The following PCDHA6 variants were observed in gnomAD, a reference collection of about 807,000 sequenced individuals.
PCDHA6 encodes protocadherin alpha 6.
In PCDHA6, 55 loss-of-function variants were observed where a neutral mutation model predicts 60.3. The ratio of observed to expected loss-of-function variants is 0.91; its 90% CI spans 0.73 to 1.14. PCDHA6 has a LOEUF of 1.14. PCDHA6 is among the 50% of genes most tolerant of loss of function. PCDHA6 has a pLI of 0.00. For missense variants in PCDHA6, 1,327 were observed against 1,256.5 expected, an observed-to-expected ratio of 1.06 and a Z score of -0.85; for synonymous variants, 652 against 557.9, an observed-to-expected ratio of 1.17 and a Z score of -2.38.
chr5:140,897,720 G>A (rs1457512042), intron 1 of PCDHA6, among the ~76,000 whole-genome samples: 1 of 152,086 alleles, frequency 6.6e-6, no homozygotes, highest in Non-Finnish European at 1.5e-5. Context: ...GGGATGGCTG[G>A]GTCAAATAGT....
intron 1 of PCDHA6, chr5:140,881,433 T>A (rs1554172102): frequency 1.1e-6 from 1 of 872,990 alleles, no homozygotes; most frequent in African/African-American, 1.8e-5. Context: ...AGGCATATTT[T>A]ATAAAAACAG....
At chr5:140,937,238 C>T (rs1339814732) in intron 1 of PCDHA6, among the ~76,000 whole-genome samples, 1 of 151,920 alleles carries the variant, frequency 6.6e-6, no homozygotes, top group Admixed American at 6.6e-5. Flanking sequence ...GGGGTTTCAC[C>T]GTGTTAGCCA....
intron 1 of PCDHA6, chr5:140,884,363 T>A (rs1444938392): frequency 6.2e-7 from 1 of 1,613,818 alleles, no homozygotes; most frequent in African/African-American, 1.3e-5. Context: ...TGTCAATGTT[T>A]ACTTGATCAT....
At chr5:140,835,557 C>G (rs2150238146) in intron 1 of PCDHA6, 4 of 1,613,818 alleles carry the variant, frequency 2.5e-6, no homozygotes, top group Non-Finnish European at 3.4e-6. Context: ...CCTGACGCCC[C>G]GCGTTCCCTT....
At chr5:140,855,766 C>T in intron 1 of PCDHA6, 2 of 379,872 alleles carry the variant, frequency 5.3e-6, no homozygotes, top group South Asian at 9.3e-5. Flanking sequence ...AGTCCATAGA[C>T]ATAAAAATAC....
rs1271034090 is a variant in PCDHA6 at position 140,842,237 on chromosome 5, G to T, written c.2394+11752G>T. ...AAATACGGGAGAAATAGTGATTCGG[G>T]GTAATTTGGATTTTGAACAAGAAAA... On this transcript the variant is annotated intron_variant, in intron 1 of 3. Transcript: ENST00000529310. 1.9e-6 allele frequency: 3 copies of T among 1,612,294 alleles called. No individual in the cohort carries two copies. The highest frequency in any genetic ancestry group is 3.3e-5 in the Admixed American group (2 of 59,972).
intron 3 of PCDHA6, among the ~76,000 whole-genome samples, chr5:140,985,103 A>G (rs1342526252): frequency 6.6e-6 from 1 of 151,694 alleles, no homozygotes; most frequent in African/African-American, 2.4e-5. Context: ...AAGCCTGGCT[A>G]ATTTTTTGTG....
chr5:140,992,676 G>A (rs2097524186), intron 3 of PCDHA6, among the ~76,000 whole-genome samples: 1 of 152,146 alleles, frequency 6.6e-6, no homozygotes, highest in African/African-American at 2.4e-5. Flanking sequence ...GTATGTGTGT[G>A]TTAGGGGTTG....
chr5:140,843,091 G>A (rs1554139733), intron 1 of PCDHA6: 3 of 1,595,616 alleles, frequency 1.9e-6, no homozygotes, highest in Non-Finnish European at 2.6e-6. Flanking sequence ...CGGGCCACGT[G>A]GTAGCGAAGG....
chr5:140,875,485 G>A (rs367652529), intron 1 of PCDHA6: 13 of 1,611,424 alleles, frequency 8.1e-6, no homozygotes, highest in African/African-American at 1.3e-5. Context: ...GGTGATTATC[G>A]GACCAAGAGG....
chr5:140,836,323 T>C (rs2150257810), intron 1 of PCDHA6: 1 of 1,613,710 alleles, frequency 6.2e-7, no homozygotes, highest in South Asian at 1.1e-5. Context: ...CGCCACCGCC[T>C]TCTGGTGCTT....
intron 1 of PCDHA6, chr5:140,857,466 T>C: frequency 1.9e-6 from 3 of 1,598,502 alleles, no homozygotes; most frequent in Non-Finnish European, 2.6e-6. Context: ...GGCTGCCACA[T>C]CTTCACGGTG....
At chr5:140,897,863 T>C (rs1432232591) in intron 1 of PCDHA6, among the ~76,000 whole-genome samples, 6 of 152,206 alleles carry the variant, frequency 3.9e-5, no homozygotes, top group Admixed American at 3.9e-4. Flanking sequence ...GTTTCCTGAC[T>C]TTTTAATGAT....
chr5:140,981,498 T>C (rs1299157295), intron 2 of PCDHA6, among the ~76,000 whole-genome samples: 1 of 152,146 alleles, frequency 6.6e-6, no homozygotes, highest in African/African-American at 2.4e-5. Context: ...TGCTTGAACC[T>C]GGGAGGCAGA....
Position 140,830,117 on chromosome 5 carries a change from C to T in PCDHA6, c.2026C>T (p.Pro676Ser), listed in dbSNP as rs2150181375. ...GTCGCTGGTGGAGAGTGGCCAGGCT[C>T]CAAAGGCGTCATCACGGGCGTCGGT... The part of the protein sequence containing the change: ...LVSLVESGQA[P>S]KASSRASVGA... Residue 676 changes from proline to serine, a missense_variant, in exon 1 of 4, where the codon CCA becomes TCA. Transcript: ENST00000529310. 1 of 1,613,510 alleles carries T rather than the reference C, an allele frequency of 6.2e-7. No homozygotes were observed.
Position 140,841,444 on chromosome 5 carries a change from C to A in PCDHA6, c.2394+10959C>A, listed in dbSNP as rs2150315677. 7.4e-6 allele frequency: 12 copies of A among 1,612,806 alleles called. No individual in the cohort carries two copies. In the South Asian group the frequency reaches 8.8e-5, roughly 12 times the overall value. On this transcript the variant is annotated intron_variant, in intron 1 of 3. Coordinates refer to ENST00000529310, the MANE Select transcript of PCDHA6 (RefSeq NM_018909.4). ...ACTCCGTCCCCGAGGAGGCCAAACA[C>A]GGCACCTTCGTGGGCCGGATCGCGC... is the stretch of plus-strand genomic sequence containing the variant.
Position 140,895,882 on chromosome 5 carries a change from G to C in PCDHA6, c.2394+65397G>C, listed in dbSNP as rs1014874596. Among the ~76,000 whole-genome samples the C allele has an allele frequency of 5.3e-5, 8 of 152,250 alleles. No individual in the cohort carries two copies. The East Asian group carries it at 9.6e-4, about 18-fold the overall frequency. On this transcript the variant is annotated intron_variant, in intron 1 of 3. Coordinates refer to ENST00000529310, the MANE Select transcript of PCDHA6 (RefSeq NM_018909.4). ...GCTGGAGTGCAATGGCGCGATCTCGGCTCACTGCAACCTCCGCGTCCCGGG... is the reference window on the plus strand; with the variant it reads ...GCTGGAGTGCAATGGCGCGATCTCGCCTCACTGCAACCTCCGCGTCCCGGG...
In PCDHA6 at chr5:140,828,766, T is replaced by A. The variant is rs2150158702; in HGVS notation, c.675T>A (p.Thr225=). ...TDGGKPELTG[T]VQLLVTVLDV... ...GGGGCAAACCTGAGCTCACAGGCAC[T>A]GTTCAGCTGCTGGTCACAGTGCTGG... Residue 225 remains threonine (T), a synonymous_variant, in exon 1 of 4, where the codon ACT becomes ACA. Transcript: ENST00000529310. 2.0e-5 allele frequency: 32 copies of A among 1,614,112 alleles called. No individual in the cohort carries two copies. The highest frequency in any genetic ancestry group is 2.5e-5 in the Non-Finnish European group (30 of 1,180,040).
rs2150165707 is a variant in PCDHA6, at chr5:140,829,309, G to C, written c.1218G>C (p.Ser406=). 5.0e-6 allele frequency: 8 copies of C among 1,614,134 alleles called. No homozygotes were observed. The highest frequency in any genetic ancestry group is 6.8e-6 in the Non-Finnish European group (8 of 1,180,066). Residue 406 remains serine (S), a synonymous_variant, in exon 1 of 4, where the codon TCG becomes TCC. Coordinates refer to ENST00000529310, the MANE Select transcript of PCDHA6 (RefSeq NM_018909.4). ...TGTCCACCTTCAAGAATTACTACTC[G>C]TTGGTGCTGGACAGTGCCCTGGACC... ...KLVSTFKNYY[S]LVLDSALDRE...
Sources: gnomAD v4.1 joint callset for allele counts (sites outside exome capture counted in the v4.1 genomes callset) on GRCh38, gnomAD v4.1.1 for gene constraint, MANE v1.5 for transcripts, NCBI Gene and HGNC (gene_info 2026-07-23, HGNC 2026-07-21) for gene names.